Variants in HECW1 observed in about 807,000 individuals in gnomAD.
The protein encoded by HECW1 is E3 ubiquitin-protein ligase HECW1.
HECW1 carries 61 observed loss-of-function variants against 182.3 expected under a neutral mutation model. That is an observed-to-expected ratio of 0.33 (90% CI 0.27 to 0.41). HECW1 has a LOEUF of 0.41. HECW1 is among the 10% of genes least tolerant of loss of function. HECW1 has a pLI of 1.00. For synonymous variants in HECW1, 859 were observed against 832.6 expected, an observed-to-expected ratio of 1.03 and a Z score of -0.55; for missense variants, 1,739 against 2,108.9, an observed-to-expected ratio of 0.82 and a Z score of 3.44.
chr7:43,301,535 G>C (rs1439148277), intron 3 of HECW1, among the ~76,000 whole-genome samples: 1 of 152,148 alleles, frequency 6.6e-6, no homozygotes, highest in Non-Finnish European at 1.5e-5. Flanking sequence ...ACAAGGCCTG[G>C]TACACACTAA....
intron 5 of HECW1, among the ~76,000 whole-genome samples, chr7:43,327,063 G>A (rs73092856): frequency 0.022 from 3,274 of 152,244 alleles, 97 homozygotes; most frequent in African/African-American, 0.064. Flanking sequence ...ACTGCACCGC[G>A]GGCTGCCATT....
Position 43,501,303 on chromosome 7 carries a change from T to C in HECW1, c.3612T>C (p.Ser1204=). 1 of 1,606,260 alleles carries C rather than the reference T, an allele frequency of 6.2e-7. No homozygotes were observed. The highest frequency in any genetic ancestry group is 1.1e-5 in the South Asian group (1 of 90,852). The change falls in exon 21 of 30, where the codon TCT becomes TCC. Residue 1204 remains serine, a synonymous_variant. Transcript: ENST00000395891. ...TCTCTCCCCGATGTTCACCCTGTTC[T>C]TCACCTCAGAACTCCCCAGGTAACA... ...YSFSPRCSPC[S]SPQNSPGLQR... is the part of the protein sequence containing the mutation.
At chr7:43,268,635 T>C (rs1419976601) in intron 3 of HECW1, among the ~76,000 whole-genome samples, 2 of 152,234 alleles carry the variant, frequency 1.3e-5, no homozygotes, top group Non-Finnish European at 2.9e-5. Flanking sequence ...TGTAGGATGA[T>C]GAATCCCTGG....
chr7:43,183,862 A>G (rs890379354), intron 2 of HECW1, among the ~76,000 whole-genome samples: 25 of 152,140 alleles, frequency 1.6e-4, no homozygotes, highest in African/African-American at 5.8e-4. Context: ...TATATCATCA[A>G]TGTTTTTTGC....
chr7:43,561,860 G>T lies in HECW1; in HGVS notation c.4755G>T (p.Ser1585=). 6.2e-7 allele frequency: 1 copy of T among 1,613,988 alleles called. No individual in the cohort carries two copies. Among genetic ancestry groups the T allele is most frequent in the Non-Finnish European group, 8.5e-7 (1 of 1,179,926 alleles). ...FNRLDLPPYP[S]YSMLYEKLLT... is the part of the protein sequence containing the mutation. ...GACTGGATCTTCCACCGTATCCCTCGTACTCCATGTTGTATGAAAAGCTGT... is the reference window on the plus strand; with the variant it reads ...GACTGGATCTTCCACCGTATCCCTCTTACTCCATGTTGTATGAAAAGCTGT... Residue 1585 remains serine (S), a synonymous_variant, in exon 30 of 30, where the codon TCG becomes TCT. Coordinates refer to ENST00000395891, the MANE Select transcript of HECW1 (RefSeq NM_015052.5).
intron 2 of HECW1, among the ~76,000 whole-genome samples, chr7:43,234,689 T>C (rs1798162853): frequency 6.6e-6 from 1 of 152,240 alleles, no homozygotes; most frequent in Non-Finnish European, 1.5e-5. Flanking sequence ...TGAAGTTGCA[T>C]GATCTCTAAC....
At chr7:43,199,241 G>A (rs1228141647) in intron 2 of HECW1, among the ~76,000 whole-genome samples, 1 of 152,166 alleles carries the variant, frequency 6.6e-6, no homozygotes, top group Non-Finnish European at 1.5e-5. Flanking sequence ...CACGAGTTTT[G>A]CACTTTTAAT....
chr7:43,512,714 G>T (rs1473385128), intron 24 of HECW1, among the ~76,000 whole-genome samples: 2 of 152,102 alleles, frequency 1.3e-5, no homozygotes, highest in Admixed American at 1.3e-4. Flanking sequence ...TGCTATGGAG[G>T]AATAACTGAG....
chr7:43,505,497 A>G (rs930450085), intron 21 of HECW1, among the ~76,000 whole-genome samples: 3 of 152,228 alleles, frequency 2.0e-5, no homozygotes, highest in Non-Finnish European at 4.4e-5. Flanking sequence ...TACACTTAGC[A>G]TAAAACAAAA....
intron 5 of HECW1, among the ~76,000 whole-genome samples, chr7:43,328,308 C>CA (rs1306361023): frequency 1.5e-5 from 2 of 137,862 alleles, no homozygotes; most frequent in African/African-American, 2.6e-5. Context: ...AAATTAAAAA[C>CA]AAAAAACAAA....
At chr7:43,221,595 C>T (rs371107271) in intron 2 of HECW1, among the ~76,000 whole-genome samples, 3 of 105,972 alleles carry the variant, frequency 2.8e-5, no homozygotes, top group African/African-American at 7.4e-5. Flanking sequence ...AGCCTGTTGC[C>T]CAGGCTGGAG....
chr7:43,189,678 A>T (rs1199037060), intron 2 of HECW1, among the ~76,000 whole-genome samples: 2 of 152,188 alleles, frequency 1.3e-5, no homozygotes, highest in African/African-American at 4.8e-5. Context: ...GAGGCATTTT[A>T]TTGTTTTTAA....
chr7:43,291,696 GAATTCTTAGCTGGGACTCCCTCTAAC>G (rs1418355116), intron 3 of HECW1, among the ~76,000 whole-genome samples: 3 of 152,200 alleles, frequency 2.0e-5, no homozygotes, highest in Admixed American at 6.5e-5. Context: ...AGTTCTTTAT[GAATTCTTAGCTGGGACTCCCTCTAAC>G]AAAAGACAGA....
intron 2 of HECW1, among the ~76,000 whole-genome samples, chr7:43,205,364 G>A (rs920560877): frequency 4.6e-5 from 7 of 152,092 alleles, no homozygotes; most frequent in Admixed American, 1.3e-4. Flanking sequence ...AAATTCTTTC[G>A]GCAGCATTGA....
In HECW1 at chr7:43,277,989, C is replaced by G. The variant is rs540568389; in HGVS notation, c.28-33774C>G. 3.9e-5 allele frequency among the ~76,000 whole-genome samples: 6 copies of G among 152,220 alleles called. No individual in the cohort carries two copies. In the South Asian group the frequency reaches 1.2e-3, roughly 32 times the overall value. On this transcript the variant is annotated intron_variant, in intron 3 of 29. Transcript: ENST00000395891. ...CCCCAGACCTTTAACTGTGGGCTGC[C>G]CCTGGGCTCAGACCTGGCCCTCTCC...
In HECW1 at chr7:43,312,182, C is replaced by A. The variant is rs1808615800; in HGVS notation, c.352+95C>A. 4.3e-6 allele frequency: 5 copies of A among 1,155,038 alleles called. No individual in the cohort carries two copies. The East Asian group carries it at 7.6e-5, about 18-fold the overall frequency. The allele number at this position is 1,155,038 out of a possible 1,614,324, so 71.5% of individuals were successfully genotyped here. On this transcript the variant is annotated intron_variant, in intron 4 of 29. Transcript: ENST00000395891. ...CTACAATATAATTAAAATATACAAG[C>A]AACTGTGTTATATGCCAGATTCTAA...
intron 2 of HECW1, among the ~76,000 whole-genome samples, chr7:43,200,035 G>A (rs1794886066): frequency 6.6e-6 from 1 of 152,068 alleles, no homozygotes; most frequent in Non-Finnish European, 1.5e-5. Context: ...ATCCTTTTAG[G>A]GCTCATGCCA....
At chr7:43,242,240 A>G (rs1798957658) in intron 2 of HECW1, among the ~76,000 whole-genome samples, 1 of 152,200 alleles carries the variant, frequency 6.6e-6, no homozygotes, top group Non-Finnish European at 1.5e-5. Flanking sequence ...TGGAGACTGT[A>G]TTAAGAGCAA....
chr7:43,136,924 A>G (rs762602822), intron 2 of HECW1, among the ~76,000 whole-genome samples: 18 of 152,136 alleles, frequency 1.2e-4, no homozygotes, highest in African/African-American at 3.9e-4. Context: ...GAAACCCTTT[A>G]TTATCTCAAG....
Sources: allele counts gnomAD v4.1 joint callset (sites outside exome capture counted in the v4.1 genomes callset), GRCh38; gene constraint gnomAD v4.1.1; transcripts MANE v1.5; gene names NCBI Gene and HGNC (gene_info 2026-07-23, HGNC 2026-07-21).